The following HIVEP3 variants were observed in gnomAD, a reference collection of about 807,000 sequenced individuals.
HIVEP3 encodes the protein transcription factor HIVEP3.
HIVEP3 carries 49 observed loss-of-function variants against 152.8 expected under a neutral mutation model. That is an observed-to-expected ratio of 0.32 (90% confidence interval 0.26 to 0.41). The LOEUF (loss-of-function observed/expected upper bound fraction) is 0.41. HIVEP3 is among the 10% of genes least tolerant of loss of function. The pLI is 1.00. For missense variants in HIVEP3, 2,790 were observed against 3,103.3 expected (o/e 0.90, Z 2.40); for synonymous variants, 1,269 against 1,289.0 (o/e 0.98, Z 0.33).
Position 41,583,803 on chromosome 1 carries a change from G to C in HIVEP3, c.995C>G (p.Ala332Gly). Residue 332 changes from alanine (A) to glycine (G), a missense_variant, in exon 4 of 9, where the codon GCC becomes GGC. This residue lies in a region of HIVEP3 where 125 missense variants were observed against 130.1 expected (regional missense o/e 0.96). Coordinates refer to ENST00000372583, the MANE Select transcript of HIVEP3 (RefSeq NM_024503.5). This position sits in a 1 kb window ranked among gnomAD's most constrained non-coding sequence, Gnocchi z 6.9. ...TGGAGGGGGGTCTTCGAGTGACTGG[G>C]CTGTGCTGGACTGGGACAGGGAACA... ...ERCSLSQSST[A>G]QSLEDPPPFV... is the part of the protein sequence containing the mutation. 6.3e-7 allele frequency: 1 copy of C among 1,596,628 alleles called. No homozygotes were observed. The highest frequency in any genetic ancestry group is 8.5e-7 in the Non-Finnish European group (1 of 1,170,770).
Position 41,616,097 on chromosome 1 carries a change from C to A in HIVEP3, c.-522+12652G>T, listed in dbSNP as rs144322370. Among the ~76,000 whole-genome samples the A allele has an allele frequency of 1.8e-3, 269 of 152,226 alleles. 1 individual carries two copies. The highest frequency in any genetic ancestry group is 6.2e-3 in the African/African-American group (258 of 41,524). On this transcript the variant is annotated intron_variant, in intron 3 of 8. Transcript: ENST00000372583. ...GGAGCTTCTGTCACCTCTCCCTCCACTCCCAAAGCCTGTGACATGTGGTGG... is the reference window on the plus strand; with the variant it reads ...GGAGCTTCTGTCACCTCTCCCTCCAATCCCAAAGCCTGTGACATGTGGTGG...
intron 1 of HIVEP3, among the ~76,000 whole-genome samples, chr1:41,787,919 T>G (rs1649459899): frequency 6.6e-6 from 1 of 151,920 alleles, no homozygotes; most frequent in Non-Finnish European, 1.5e-5. Context: ...GAGGGGGGTG[T>G]GGATGTCCCC....
At chr1:41,545,376 A>ATTG (rs1643740168) in intron 5 of HIVEP3, among the ~76,000 whole-genome samples, 1 of 7,674 alleles carries the variant, frequency 1.3e-4, no homozygotes, top group Non-Finnish European at 3.9e-4. Context: ...CACCACCACC[A>ATTG]CTACCACCAC....
At chr1:41,563,248 G>A (rs1425431300) in intron 5 of HIVEP3, among the ~76,000 whole-genome samples, 1 of 152,108 alleles carries the variant, frequency 6.6e-6, no homozygotes, top group Non-Finnish European at 1.5e-5. Context: ...TCAGGAGGCT[G>A]AGGCAGGAGA....
At chr1:41,973,657 C>G (rs2124505605) in intron 1 of HIVEP3, among the ~76,000 whole-genome samples, 1 of 152,322 alleles carries the variant, frequency 6.6e-6, no homozygotes, top group East Asian at 1.9e-4. Context: ...CTCTTTTATT[C>G]ATTGAAAGCA....
At chr1:42,019,562 T>C (rs988967694) in intron 1 of HIVEP3, among the ~76,000 whole-genome samples, 2 of 151,960 alleles carry the variant, frequency 1.3e-5, no homozygotes, top group African/African-American at 4.8e-5. Flanking sequence ...GTAAGTATAA[T>C]TGGTTTTTAT....
chr1:41,601,203 C>A (rs529102807), intron 3 of HIVEP3, among the ~76,000 whole-genome samples: 1 of 152,142 alleles, frequency 6.6e-6, no homozygotes, highest in Admixed American at 6.5e-5. Context: ...CAGCTTTGTT[C>A]TTGTGTCAGA....
At chr1:41,517,289 G>A (rs1232042759) in intron 7 of HIVEP3, among the ~76,000 whole-genome samples, 1 of 152,126 alleles carries the variant, frequency 6.6e-6, no homozygotes, top group Non-Finnish European at 1.5e-5. Flanking sequence ...TGACTTCCCT[G>A]ACTTAACATG....
Position 41,582,731 on chromosome 1 carries a change from C to A in HIVEP3, c.2067G>T (p.Gln689His). Residue 689 changes from glutamine (Q) to histidine (H), a missense_variant, in exon 4 of 9, where the codon CAG becomes CAT. By Grantham distance (24) the Gln-to-His change is conservative (BLOSUM62 0). Transcript: ENST00000372583. The surrounding 1 kb of genome is among the most constrained non-coding windows in gnomAD (Gnocchi z 4.7). ...THTSPEAEKS[Q>H]IEHEPWSQMM... is the part of the protein sequence containing the mutation. ...TTTGGGACCACGGCTCATGCTCAAT[C>A]TGACTCTTTTCAGCTTCTGGAGATG... The A allele has an allele frequency of 6.2e-7, 1 of 1,614,220 alleles. No individual in the cohort carries two copies. The highest frequency in any genetic ancestry group is 1.7e-5 in the Admixed American group (1 of 60,028).
chr1:41,703,999 T>C (rs550494007), intron 1 of HIVEP3, among the ~76,000 whole-genome samples: 19 of 152,370 alleles, frequency 1.2e-4, no homozygotes, highest in Non-Finnish European at 2.1e-4. Flanking sequence ...ACTCTTGTTC[T>C]GTCACTCACT....
At chr1:41,827,334 T>C (rs981697003) in intron 1 of HIVEP3, among the ~76,000 whole-genome samples, 1 of 152,216 alleles carries the variant, frequency 6.6e-6, no homozygotes, top group African/African-American at 2.4e-5. Flanking sequence ...TCAGTTTCCA[T>C]TCCTCATCCT....
At position 41,580,812 on chromosome 1, in the gene HIVEP3, G is replaced by T. The variant is rs747631431; in HGVS notation, c.3986C>A (p.Ser1329Tyr). 1 of 1,580,462 alleles carries T rather than the reference G, an allele frequency of 6.3e-7. No individual in the cohort carries two copies. Among genetic ancestry groups the T allele is most frequent in the Admixed American group, 1.7e-5 (1 of 57,224 alleles). The change falls in exon 4 of 9, where the codon TCC (serine) becomes TAC (tyrosine). Residue 1329 changes from serine to tyrosine, a missense_variant. By Grantham distance (144) the Ser-to-Tyr change is moderately radical. Coordinates refer to ENST00000372583, the MANE Select transcript of HIVEP3 (RefSeq NM_024503.5). ...GGTGGTGTACATTGCGCTCCCATAG[G>T]ACGGCATATTGGTCTGAACACGGAC... ...VPVRVQTNMPSYGSAMYTTLS... is the reference protein window; with the variant it reads ...VPVRVQTNMPYYGSAMYTTLS...
chr1:41,908,945 G>A (rs928026464), intron 1 of HIVEP3, among the ~76,000 whole-genome samples: 4 of 152,214 alleles, frequency 2.6e-5, no homozygotes, highest in East Asian at 3.9e-4. Context: ...TGAATACCAA[G>A]TATGAGAAAT....
chr1:41,591,833 T>C (rs1343174203), intron 3 of HIVEP3, among the ~76,000 whole-genome samples: 1 of 152,110 alleles, frequency 6.6e-6, no homozygotes, highest in Non-Finnish European at 1.5e-5. Context: ...TGCATCCCTC[T>C]TATTGCCATT....
intron 1 of HIVEP3, among the ~76,000 whole-genome samples, chr1:41,893,770 TTA>T (rs1644485095): frequency 6.8e-6 from 1 of 147,478 alleles, no homozygotes; most frequent in South Asian, 2.1e-4. Context: ...ATACATATTT[TTA>T]TATATTATAT....
At chr1:41,648,696 C>T (rs1430733108) in intron 2 of HIVEP3, among the ~76,000 whole-genome samples, 4 of 152,146 alleles carry the variant, frequency 2.6e-5, no homozygotes, top group African/African-American at 4.8e-5. Context: ...TTTAAAAGTT[C>T]GGAGGACATG....
intron 5 of HIVEP3, among the ~76,000 whole-genome samples, chr1:41,537,204 C>A (rs1294437834): frequency 6.6e-6 from 1 of 151,958 alleles, no homozygotes; most frequent in Non-Finnish European, 1.5e-5. Context: ...AGCTATTCTG[C>A]ATTTATATTA....
intron 1 of HIVEP3, among the ~76,000 whole-genome samples, chr1:41,869,795 T>C (rs1644046721): frequency 6.6e-6 from 1 of 152,232 alleles, no homozygotes; most frequent in East Asian, 1.9e-4. Context: ...GTACAGTTTT[T>C]TAATATCAAT....
At chr1:41,634,666 G>A (rs990982766) in intron 2 of HIVEP3, among the ~76,000 whole-genome samples, 11 of 152,052 alleles carry the variant, frequency 7.2e-5, no homozygotes, top group Non-Finnish European at 1.6e-4. Flanking sequence ...ATGGAAAAAA[G>A]CAAATGGTAA....
Sources: allele counts gnomAD v4.1 joint callset (sites outside exome capture counted in the v4.1 genomes callset), GRCh38; gene constraint gnomAD v4.1.1; regional missense constraint gnomAD v4.1.1; non-coding constraint Gnocchi (gnomAD v3.1); transcripts MANE v1.5; gene names NCBI Gene and HGNC (gene_info 2026-07-23, HGNC 2026-07-21).